Variants in IL16 observed in about 807,000 individuals in gnomAD.
IL16 encodes pro-interleukin-16.
Under a neutral mutation model 110.1 loss-of-function variants are expected in IL16, and 67 were observed. That is an observed-to-expected ratio of 0.61 (90% CI 0.50 to 0.75). The LOEUF (loss-of-function observed/expected upper bound fraction) is 0.75, where lower values mean the gene tolerates loss of function less well. IL16 is among the 30% of genes least tolerant of loss of function. The pLI is 0.00. For synonymous variants in IL16, 689 were observed against 662.9 expected (o/e 1.04, Z -0.61); for missense variants, 1,545 against 1,655.0 (o/e 0.93, Z 1.15).
chr15:81,220,604 A>G (rs563809820), intron 1 of IL16, among the ~76,000 whole-genome samples: 1 of 152,312 alleles, frequency 6.6e-6, no homozygotes, highest in Admixed American at 6.5e-5. Flanking sequence ...CTGTTGGAGA[A>G]TTCAGCAATT....
intron 3 of IL16, among the ~76,000 whole-genome samples, chr15:81,261,463 T>C (rs1236515747): frequency 6.6e-6 from 1 of 152,150 alleles, no homozygotes; most frequent in Non-Finnish European, 1.5e-5. Flanking sequence ...CACCAGGGTG[T>C]TTCTTCCTCT....
intron 2 of IL16, among the ~76,000 whole-genome samples, chr15:81,246,272 A>G (rs1028024633): frequency 1.3e-5 from 2 of 152,010 alleles, no homozygotes; most frequent in Non-Finnish European, 2.9e-5. Context: ...CAATCAGGAT[A>G]CTGAAGAGTT....
chr15:81,186,948 C>T lies in IL16; in HGVS notation c.40+4052C>T, dbSNP rs146375410. On this transcript the variant is annotated intron_variant, in intron 1 of 18. Coordinates refer to the IL16 transcript ENST00000302987. ...TGCTGAGATTACAAGAGTGAGCCAC[C>T]ATGCCTGGCTATCCATCTCATTTTT... 4.2e-3 allele frequency among the ~76,000 whole-genome samples: 633 copies of T among 152,284 alleles called. 1 individual carries two copies. The highest frequency in any genetic ancestry group is 0.01 in the African/African-American group (431 of 41,546).
At chr15:81,306,618 G>A in intron 18 of IL16, 73 bp downstream of exon 18, 1 of 1,574,426 alleles carries the variant, frequency 6.4e-7, no homozygotes, top group Non-Finnish European at 8.7e-7. Context: ...AAGGCTTCTG[G>A]GCACTTTCTG....
intron 2 of IL16, among the ~76,000 whole-genome samples, chr15:81,249,409 A>AT (rs1005439104): frequency 7.4e-5 from 11 of 149,110 alleles, no homozygotes; most frequent in Admixed American, 1.3e-4. Flanking sequence ...CTCCCTTGGG[A>AT]TTTTTTTTTT....
At chr15:81,222,219 G>C (rs115606494) in intron 1 of IL16, among the ~76,000 whole-genome samples, 1,979 of 152,096 alleles carry the variant, frequency 0.013, 40 homozygotes, top group African/African-American at 0.046. Context: ...GAGGATGAAG[G>C]GGGCAGAGTT....
chr15:81,210,153 G>A (rs913711449), intron 1 of IL16, among the ~76,000 whole-genome samples: 3 of 152,100 alleles, frequency 2.0e-5, no homozygotes, highest in Non-Finnish European at 2.9e-5. Context: ...TTTTGCTGGC[G>A]TTGTTGAAGA....
chr15:81,220,702 C>T (rs978855627), intron 1 of IL16, among the ~76,000 whole-genome samples: 1 of 151,270 alleles, frequency 6.6e-6, no homozygotes, highest in East Asian at 1.9e-4. Context: ...GTATTTTATC[C>T]AGGTGGAAAT....
intron 2 of IL16, among the ~76,000 whole-genome samples, chr15:81,237,650 C>A (rs1022440916): frequency 4.6e-5 from 7 of 152,168 alleles, no homozygotes; most frequent in Middle Eastern, 3.4e-3. Flanking sequence ...CTAAGGTAAC[C>A]ACTTAATTTT....
In IL16 at chr15:81,299,966, A is replaced by AG; in HGVS notation, c.2642dup (p.Arg882ThrfsTer20). On this transcript the variant is annotated frameshift_variant, in exon 14 of 19. Transcript: ENST00000683961. LOFTEE classifies it high-confidence loss of function. ...CAAAACCTCTTGGGAAGCATGAGGA[A>AG]GGACGGTTTTCTGGACTCTTGGGGC... The AG allele has an allele frequency of 6.2e-7, 1 of 1,608,774 alleles. No individual in the cohort carries two copies. Among genetic ancestry groups the AG allele is most frequent in the Non-Finnish European group, 8.5e-7 (1 of 1,177,184 alleles).
rs199709832 is a variant in IL16 at position 81,282,724 on chromosome 15, A to G, written c.1167A>G (p.Pro389=). Residue 389 remains proline (P), a synonymous_variant, in exon 9 of 19, where the codon CCA becomes CCG. Coordinates refer to ENST00000683961, the MANE Select transcript of IL16 (RefSeq NM_172217.5). ...GCATTTTCGTCCACACGCTGTCACCAGGATCCGTGGCGCACCTGGACGGAC... is the reference window on the plus strand; with the variant it reads ...GCATTTTCGTCCACACGCTGTCACCGGGATCCGTGGCGCACCTGGACGGAC... The part of the protein sequence containing the change: ...ISGIFVHTLS[P]GSVAHLDGRL... The G allele has an allele frequency of 1.2e-6, 2 of 1,614,178 alleles. No homozygotes were observed. The highest frequency in any genetic ancestry group is 2.7e-5 in the African/African-American group (2 of 75,070).
intron 9 of IL16, among the ~76,000 whole-genome samples, chr15:81,284,837 C>T (rs1011389356): frequency 2.2e-4 from 34 of 152,352 alleles, no homozygotes; most frequent in African/African-American, 7.5e-4. Flanking sequence ...TCTATGGCCA[C>T]AGCTGTCATG....
At chr15:81,237,024 C>T (rs986282399) in intron 2 of IL16, among the ~76,000 whole-genome samples, 14 of 152,298 alleles carry the variant, frequency 9.2e-5, no homozygotes, top group South Asian at 4.1e-4. Context: ...TTTCTCAATA[C>T]GGCCCTTCAT....
At chr15:81,287,486 A>C (rs936216474) in intron 10 of IL16, among the ~76,000 whole-genome samples, 1 of 152,190 alleles carries the variant, frequency 6.6e-6, no homozygotes, top group Admixed American at 6.5e-5. Context: ...CACCACAAAG[A>C]ATTATTTAAT....
At position 81,301,530 on chromosome 15, in the gene IL16, G is replaced by C; in HGVS notation, c.3318+18G>C. 1 of 1,607,474 alleles carries C rather than the reference G, an allele frequency of 6.2e-7. No individual in the cohort carries two copies. The highest frequency in any genetic ancestry group is 8.5e-7 in the Non-Finnish European group (1 of 1,176,978). ...CATTAAAGGTAGGTTTCCTTTGTAAGCATCTGCAGTAACCAATGGCTTATT... is the reference window on the plus strand; with the variant it reads ...CATTAAAGGTAGGTTTCCTTTGTAACCATCTGCAGTAACCAATGGCTTATT... On this transcript the variant is annotated intron_variant, in intron 15 of 18. Coordinates refer to ENST00000683961, the MANE Select transcript of IL16 (RefSeq NM_172217.5).
intron 1 of IL16, among the ~76,000 whole-genome samples, chr15:81,203,483 T>G (rs34998623): frequency 0.24 from 36,894 of 150,998 alleles, 6,550 homozygotes; most frequent in African/African-American, 0.52. Flanking sequence ...TAATCCATCT[T>G]GAATTAATTT....
chr15:81,206,922 C>G (rs1322183019), intron 1 of IL16, among the ~76,000 whole-genome samples: 1 of 151,886 alleles, frequency 6.6e-6, no homozygotes, highest in African/African-American at 2.4e-5. Context: ...TAAAACCACC[C>G]AACAAACCAT....
rs892718110 is a variant in IL16 at position 81,312,195 on chromosome 15, A to G, written c.*3397A>G. 8 of 152,178 alleles carry G rather than the reference A, an allele frequency of 5.3e-5. No homozygotes were observed. The highest frequency in any genetic ancestry group is 1.0e-4 in the Non-Finnish European group (7 of 68,064). The allele number at this position is 152,178 out of a possible 1,614,324, so 9.4% of individuals were successfully genotyped here. On this transcript the variant is annotated 3_prime_UTR_variant, in exon 19 of 19. Transcript: ENST00000683961. The stretch of plus-strand genomic sequence containing the variant: ...TCTCTGGATTGGAGATAGGGAAAGA[A>G]AGTTGCACGGCTGCTGAGGCCCCTT...
rs1004967034 is a variant in IL16 at position 81,228,251 on chromosome 15, G to A, written c.312+2540G>A. On this transcript the variant is annotated intron_variant, in intron 2 of 18. Coordinates refer to ENST00000683961, the MANE Select transcript of IL16 (RefSeq NM_172217.5). Reference sequence around the variant, plus strand: ...GATGGCATGGGGAAGGAGTGGGCATGGGGAGGGACCCGGGCAGGGGAAAGA... The same window carrying A: ...GATGGCATGGGGAAGGAGTGGGCATAGGGAGGGACCCGGGCAGGGGAAAGA... Among the ~76,000 whole-genome samples the A allele has an allele frequency of 2.0e-5, 3 of 152,076 alleles. No individual in the cohort carries two copies. In the South Asian group the frequency reaches 6.2e-4, roughly 31 times the overall value.
Sources: gnomAD v4.1 joint callset for allele counts (sites outside exome capture counted in the v4.1 genomes callset) on GRCh38, gnomAD v4.1.1 for gene constraint, MANE v1.5 for transcripts, NCBI Gene and HGNC (gene_info 2026-07-23, HGNC 2026-07-21) for gene names.